PCDH15: variants seen among roughly 807,000 people sequenced by gnomAD.
PCDH15 encodes the protein protocadherin-15.
In PCDH15, 129 loss-of-function variants were observed where a neutral mutation model predicts 178.5. That is an observed-to-expected ratio of 0.72 (90% CI 0.63 to 0.84). The LOEUF is 0.84. Ranked by LOEUF, PCDH15 falls within the 40% of genes least tolerant of loss-of-function variation. The pLI is 0.00. For synonymous variants in PCDH15, 800 were observed against 732.0 expected (o/e 1.09, Z -1.50); for missense variants, 2,230 against 2,099.9 (o/e 1.06, Z -1.21).
intron 1 of PCDH15, among the ~76,000 whole-genome samples, chr10:54,666,379 G>C (rs562958043): frequency 2.6e-4 from 40 of 152,172 alleles, no homozygotes; most frequent in Non-Finnish European, 5.3e-4. Context: ...CTGTGAGTAA[G>C]ACACTTCTGC....
At chr10:54,364,200 CA>C (rs1156338632) in intron 5 of PCDH15, among the ~76,000 whole-genome samples, 1 of 105,796 alleles carries the variant, frequency 9.5e-6, no homozygotes, top group Admixed American at 1.0e-4. Context: ...CAAAAAAGAG[CA>C]AAACTCTGAA....
chr10:54,874,962 T>C (rs1306412950), intron 3 of PCDH15, among the ~76,000 whole-genome samples: 9 of 152,198 alleles, frequency 5.9e-5, no homozygotes, highest in African/African-American at 2.2e-4. Flanking sequence ...TAGTTAGATT[T>C]GCAAATAGCA....
At chr10:54,146,923 T>C (rs2043986318) in intron 14 of PCDH15, among the ~76,000 whole-genome samples, 1 of 74,538 alleles carries the variant, frequency 1.3e-5, no homozygotes, top group Non-Finnish European at 2.7e-5. Context: ...ATATATAGTG[T>C]ATATATATAT....
intron 14 of PCDH15, among the ~76,000 whole-genome samples, chr10:54,140,272 G>C (rs1014665457): frequency 1.3e-5 from 2 of 152,128 alleles, no homozygotes; most frequent in Admixed American, 1.3e-4. Flanking sequence ...TTGCTATTCT[G>C]CATCACATAC....
At chr10:54,926,017 T>C (rs1837615370) in intron 2 of PCDH15, among the ~76,000 whole-genome samples, 1 of 152,160 alleles carries the variant, frequency 6.6e-6, no homozygotes, top group Admixed American at 6.6e-5. Flanking sequence ...GGCATCCTTG[T>C]CTTGTGCCAG....
chr10:54,257,217 C>T (rs1487515081), intron 8 of PCDH15, among the ~76,000 whole-genome samples: 1 of 151,936 alleles, frequency 6.6e-6, no homozygotes, highest in African/African-American at 2.4e-5. Flanking sequence ...ATACAACTAA[C>T]AATTAAAACA....
At chr10:54,747,941 G>C (rs1945683679) in intron 1 of PCDH15, among the ~76,000 whole-genome samples, 2 of 151,978 alleles carry the variant, frequency 1.3e-5, no homozygotes, top group South Asian at 4.2e-4. Flanking sequence ...GAGTAGCTGG[G>C]ACTACAGGCG....
chr10:54,128,366 A>G (rs16905579), intron 15 of PCDH15, among the ~76,000 whole-genome samples: 4,345 of 152,264 alleles, frequency 0.029, 223 homozygotes, highest in African/African-American at 0.098. Context: ...GATCTCACCT[A>G]CAATACTGGG....
Position 53,873,516 on chromosome 10 carries a change from T to C in PCDH15, c.3502-6659A>G, listed in dbSNP as rs117043109. ...GAGGCACAGAGAGATTAGTAACTTG[T>C]TCATAATCACACATATGGTTGTTAG... On this transcript the variant is annotated intron_variant, in intron 26 of 37. Transcript: ENST00000644397. Among the ~76,000 whole-genome samples the C allele has an allele frequency of 6.1e-3, 935 of 152,332 alleles. 5 individuals carry two copies. Among genetic ancestry groups the C allele is most frequent in the Non-Finnish European group, 8.4e-3 (571 of 68,018 alleles).
chr10:55,212,973 A>C (rs994706275), intron 1 of PCDH15, among the ~76,000 whole-genome samples: 5 of 152,156 alleles, frequency 3.3e-5, no homozygotes, highest in African/African-American at 1.2e-4. Flanking sequence ...GTAGAACAGC[A>C]GAGCTCAACA....
intron 2 of PCDH15, among the ~76,000 whole-genome samples, chr10:55,555,465 A>G (rs7076730): frequency 5.7e-4 from 86 of 152,196 alleles, no homozygotes; most frequent in African/African-American, 2.0e-3. Flanking sequence ...ATTTATACGG[A>G]TATCTTTCCC....
At chr10:55,128,856 A>C (rs1163795242) in intron 2 of PCDH15, among the ~76,000 whole-genome samples, 1 of 152,156 alleles carries the variant, frequency 6.6e-6, no homozygotes, top group Non-Finnish European at 1.5e-5. Flanking sequence ...TTTGAGGCTT[A>C]ACGCTACTTG....
chr10:54,196,588 C>A (rs949763047), intron 10 of PCDH15, among the ~76,000 whole-genome samples: 1 of 152,140 alleles, frequency 6.6e-6, no homozygotes, highest in African/African-American at 2.4e-5. Context: ...AAAGAACTAT[C>A]GTATCGACTT....
intron 2 of PCDH15, among the ~76,000 whole-genome samples, chr10:55,500,463 G>C (rs1471816444): frequency 6.6e-6 from 1 of 151,788 alleles, no homozygotes; most frequent in East Asian, 1.9e-4. Context: ...GAGTGTTGAA[G>C]TAATTATAAA....
intron 30 of PCDH15, among the ~76,000 whole-genome samples, chr10:53,830,230 A>G (rs1032234877): frequency 6.6e-6 from 1 of 151,736 alleles, no homozygotes; most frequent in Non-Finnish European, 1.5e-5. Context: ...TGAACCTTGG[A>G]GGCAGAGGTT....
chr10:55,160,609 T>C (rs1839039928), intron 2 of PCDH15, among the ~76,000 whole-genome samples: 1 of 152,100 alleles, frequency 6.6e-6, no homozygotes, highest in African/African-American at 2.4e-5. Flanking sequence ...GTCCCTATCA[T>C]GCTAACGTTC....
intron 29 of PCDH15, among the ~76,000 whole-genome samples, chr10:53,837,578 C>T (rs2077380157): frequency 6.6e-6 from 1 of 152,084 alleles, no homozygotes; most frequent in South Asian, 2.1e-4. Context: ...CCAACATCCT[C>T]AGAAGCTTAG....
chr10:54,110,448 A>G (rs1040927796), intron 15 of PCDH15, among the ~76,000 whole-genome samples: 6 of 152,044 alleles, frequency 3.9e-5, no homozygotes, highest in Admixed American at 1.3e-4. Context: ...TTAGCCTGCT[A>G]TTTGGGGCAT....
intron 3 of PCDH15, among the ~76,000 whole-genome samples, chr10:54,861,352 A>C (rs1186658634): frequency 6.6e-6 from 1 of 152,178 alleles, no homozygotes; most frequent in Non-Finnish European, 1.5e-5. Flanking sequence ...GCACATGGAC[A>C]AACTAGAATA....
Sources: gnomAD v4.1 joint callset for allele counts (sites outside exome capture counted in the v4.1 genomes callset) on GRCh38, gnomAD v4.1.1 for gene constraint, MANE v1.5 for transcripts, NCBI Gene and HGNC (gene_info 2026-07-23, HGNC 2026-07-21) for gene names.